SIPA1L1: variants seen among roughly 807,000 people sequenced by gnomAD.
The protein encoded by SIPA1L1 is signal-induced proliferation-associated 1-like protein 1.
In SIPA1L1, 26 loss-of-function variants were observed where a neutral mutation model predicts 162.7. That is an observed-to-expected ratio of 0.16 (90% CI 0.12 to 0.22). The LOEUF is 0.22. Ranked by LOEUF, SIPA1L1 falls within the 10% of genes least tolerant of loss-of-function variation. The probability of loss-of-function intolerance (pLI) is 1.00; values close to 1 mark genes in which losing one functional copy is unlikely to be tolerated. For missense variants in SIPA1L1, 1,874 were observed against 2,241.0 expected (o/e 0.84, Z 3.31); for synonymous variants, 829 against 837.4 (o/e 0.99, Z 0.17).
rs2149567970 is a variant in SIPA1L1, at chr14:71,685,544, G to T, written c.3287G>T (p.Gly1096Val). 3 of 1,614,206 alleles carry T rather than the reference G, an allele frequency of 1.9e-6. No individual in the cohort carries two copies. Among genetic ancestry groups the T allele is most frequent in the East Asian group, 2.2e-5 (1 of 44,884 alleles). ...QSPMTSRLNA[G>V]KGDGKMPPPE... is the part of the protein sequence containing the mutation. The stretch of plus-strand genomic sequence containing the variant: ...CCCATGACCTCGCGGCTGAATGCTG[G>T]AAAAGGAGATGGGAAGATGCCTCCT... Residue 1096 changes from glycine (G) to valine (V), a missense_variant, in exon 13 of 24, where the codon GGA (glycine) becomes GTA (valine). By Grantham distance (109) the Gly-to-Val change is moderately radical (BLOSUM62 -3). Around this residue, in one of 5 missense-constraint regions of SIPA1L1, gnomAD observed 936 missense variants for 1,051.9 expected, o/e 0.89. Coordinates refer to ENST00000381232, the MANE Select transcript of SIPA1L1 (RefSeq NM_001386936.1).
chr14:71,513,471 T>C (rs2051373062), intron 3 of SIPA1L1, among the ~76,000 whole-genome samples: 1 of 152,002 alleles, frequency 6.6e-6, no homozygotes, highest in African/African-American at 2.4e-5. Flanking sequence ...GACATGGAAA[T>C]AGATATTGAC....
chr14:71,473,604 A>G (rs888485042), intron 2 of SIPA1L1, among the ~76,000 whole-genome samples: 1 of 152,184 alleles, frequency 6.6e-6, no homozygotes, highest in African/African-American at 2.4e-5. Context: ...AAAATCCTAT[A>G]TGTGGAACTA....
intron 2 of SIPA1L1, among the ~76,000 whole-genome samples, chr14:71,499,304 C>T (rs1461836449): frequency 6.6e-6 from 1 of 152,176 alleles, no homozygotes; most frequent in Non-Finnish European, 1.5e-5. Context: ...GATCGTGTCA[C>T]TGCATTCCAG....
chr14:71,334,362 A>T (rs2034870103), intron 2 of SIPA1L1, among the ~76,000 whole-genome samples: 1 of 152,214 alleles, frequency 6.6e-6, no homozygotes, highest in African/African-American at 2.4e-5. Context: ...CTCATAGGCC[A>T]CATTGTATTG....
In SIPA1L1 at chr14:71,661,475, T is replaced by A; in HGVS notation, c.2255+8T>A. 1 of 1,611,086 alleles carries A rather than the reference T, an allele frequency of 6.2e-7. No homozygotes were observed. Among genetic ancestry groups the A allele is most frequent in the East Asian group, 2.2e-5 (1 of 44,812 alleles). On this transcript the variant is annotated splice_region_variant and intron_variant, in intron 10 of 23. Transcript: ENST00000381232. ...TGACAGTGTCTGTTATAGGTGTGTA[T>A]GGGTGTCACAGCAGGGGCTCTGTGG...
intron 2 of SIPA1L1, among the ~76,000 whole-genome samples, chr14:71,325,630 C>T (rs1343689312): frequency 6.6e-6 from 1 of 152,148 alleles, no homozygotes; most frequent in East Asian, 1.9e-4. Context: ...TTCTTAAAGG[C>T]ATAGAGAGAT....
chr14:71,430,082 G>A (rs1452986131), intron 2 of SIPA1L1, among the ~76,000 whole-genome samples: 1 of 152,146 alleles, frequency 6.6e-6, no homozygotes, highest in Non-Finnish European at 1.5e-5. Flanking sequence ...ATGGCTGAGG[G>A]ATGTGTTGTA....
chr14:71,524,105 A>T (rs1389115305), intron 3 of SIPA1L1, among the ~76,000 whole-genome samples: 1 of 150,984 alleles, frequency 6.6e-6, no homozygotes, highest in East Asian at 1.9e-4. Context: ...ATATGTATGT[A>T]TACACATATC....
At chr14:71,557,113 A>G (rs1056319445) in intron 4 of SIPA1L1, among the ~76,000 whole-genome samples, 1 of 152,146 alleles carries the variant, frequency 6.6e-6, no homozygotes, top group African/African-American at 2.4e-5. Context: ...CATACCCATT[A>G]ATACTTCTTT....
At chr14:71,526,739 A>G (rs1036146137) in intron 3 of SIPA1L1, among the ~76,000 whole-genome samples, 9 of 152,180 alleles carry the variant, frequency 5.9e-5, no homozygotes, top group Admixed American at 5.2e-4. Context: ...GAAAAAAAAA[A>G]TCCTGATTCC....
intron 4 of SIPA1L1, among the ~76,000 whole-genome samples, chr14:71,580,735 A>G (rs1253027480): frequency 6.6e-6 from 1 of 152,174 alleles, no homozygotes; most frequent in Non-Finnish European, 1.5e-5. Flanking sequence ...AAAGTATAGT[A>G]TCTTAGAATT....
At chr14:71,553,552 G>T (rs1049508539) in intron 4 of SIPA1L1, among the ~76,000 whole-genome samples, 2 of 152,200 alleles carry the variant, frequency 1.3e-5, no homozygotes, top group African/African-American at 4.8e-5. Context: ...GATAGGAAAG[G>T]CATGTTTTTC....
chr14:71,637,733 T>A (rs1437833587), intron 7 of SIPA1L1, among the ~76,000 whole-genome samples: 4 of 151,010 alleles, frequency 2.6e-5, no homozygotes, highest in African/African-American at 7.3e-5. Context: ...AAAAAAAAAA[T>A]AAGAACTTTA....
chr14:71,334,276 C>T (rs2034856453), intron 2 of SIPA1L1, among the ~76,000 whole-genome samples: 1 of 152,138 alleles, frequency 6.6e-6, no homozygotes, highest in Admixed American at 6.5e-5. Flanking sequence ...ACTTGTAAAG[C>T]TGTGTCTTAC....
Position 71,587,990 on chromosome 14 carries a change from C to T in SIPA1L1, c.118C>T (p.Arg40Trp), listed in dbSNP as rs746170225. ...TGATGATTTCTACATGCGGCGCTTCCGGTCCCAAAATGGCAGCTTAGGATC... is the reference window on the plus strand; with the variant it reads ...TGATGATTTCTACATGCGGCGCTTCTGGTCCCAAAATGGCAGCTTAGGATC... ...HTDDFYMRRF[R>W]SQNGSLGSSV... The change falls in exon 5 of 24, where the codon CGG becomes TGG. Residue 40 changes from arginine (R) to tryptophan (W), a missense_variant. Arg to Trp is a moderately radical substitution (Grantham distance 101). This residue lies in a region of SIPA1L1 where 685 missense variants were observed against 828.0 expected (regional missense o/e 0.83). Coordinates refer to ENST00000381232, the MANE Select transcript of SIPA1L1 (RefSeq NM_001386936.1). 64 of 1,613,974 alleles carry T rather than the reference C, an allele frequency of 4.0e-5. No homozygotes were observed. The highest frequency in any genetic ancestry group is 4.7e-5 in the Non-Finnish European group (56 of 1,179,988).
At chr14:71,709,110 C>A in intron 16 of SIPA1L1, 112 bp from the exon 17 acceptor site, 1 of 831,490 alleles carries the variant, frequency 1.2e-6, no homozygotes, top group Non-Finnish European at 1.8e-6. Flanking sequence ...ATTATTGGAA[C>A]TTTTAGGCCT....
intron 2 of SIPA1L1, among the ~76,000 whole-genome samples, chr14:71,347,077 G>T (rs1403979125): frequency 1.3e-5 from 2 of 150,406 alleles, no homozygotes; most frequent in Non-Finnish European, 3.0e-5. Flanking sequence ...TCAGCCCCCC[G>T]AGTAGTTGGG....
chr14:71,450,710 A>G (rs2045751184), intron 2 of SIPA1L1, among the ~76,000 whole-genome samples: 1 of 152,138 alleles, frequency 6.6e-6, no homozygotes, highest in South Asian at 2.1e-4. Context: ...TGTTATTAAA[A>G]CCTGTTAGAA....
At chr14:71,542,074 T>C (rs925752304) in intron 4 of SIPA1L1, among the ~76,000 whole-genome samples, 2 of 152,116 alleles carry the variant, frequency 1.3e-5, no homozygotes, top group Non-Finnish European at 2.9e-5. Flanking sequence ...CCCAACTCCT[T>C]ATTTCTATAT....
Sources: gnomAD v4.1 joint callset for allele counts (sites outside exome capture counted in the v4.1 genomes callset) on GRCh38, gnomAD v4.1.1 for gene constraint, gnomAD v4.1.1 regional missense constraint, MANE v1.5 for transcripts, NCBI Gene and HGNC (gene_info 2026-07-23, HGNC 2026-07-21) for gene names.